Variants in AMMECR1 observed in about 807,000 individuals in gnomAD.
The protein encoded by AMMECR1 is nuclear protein AMMECR1.
A neutral mutation model predicts 22.5 loss-of-function variants in AMMECR1; 3 were observed. The observed-to-expected ratio is 0.13, with a 90% confidence interval of 0.06 to 0.35. The LOEUF is 0.35. Among genes scored for constraint, AMMECR1 ranks in the 10% least tolerant of loss-of-function variants. AMMECR1 has a pLI of 1.00. For synonymous variants in AMMECR1, 130 were observed against 116.7 expected (o/e 1.11, Z -0.74); for missense variants, 235 against 278.7 (o/e 0.84, Z 1.12).
chrX:110,202,392 G>T, intron 4 of AMMECR1, 54 bp downstream of exon 4: 1 of 957,530 alleles, frequency 1.0e-6, no homozygotes. Flanking sequence ...ATTTCAGTTT[G>T]TATATTTGTT....
At chrX:110,225,078 TGAGTA>T (rs767629557) in intron 2 of AMMECR1, 12 of 367,656 alleles carry the variant, frequency 3.3e-5, no homozygotes, top group Middle Eastern at 4.3e-4. Context: ...CAGTTTTGAT[TGAGTA>T]TTCTTATCAC....
rs189077894 is a variant in AMMECR1 at position 110,394,581 on chromosome X, C to T, written c.-148+32077G>A. 2.7e-3 allele frequency among the ~76,000 whole-genome samples: 299 copies of T among 112,526 alleles called. 1 individual carries two copies. The highest frequency in any genetic ancestry group is 8.8e-3 in the African/African-American group (274 of 30,977). ...CTACAGTAAAATTAGTTTTGTTATT[C>T]GTTGTTTCACTTAAAGTCCAGTTCC... is the stretch of plus-strand genomic sequence containing the variant. On this transcript the variant is annotated intron_variant, in intron 2 of 7. Coordinates refer to the AMMECR1 transcript ENST00000372057.
chrX:110,227,477 A>G (rs781497067), intron 2 of AMMECR1, among the ~76,000 whole-genome samples: 59 of 112,650 alleles, frequency 5.2e-4, no homozygotes, highest in African/African-American at 1.9e-3. Flanking sequence ...TCATACTGAG[A>G]AGGAGAAAGA....
intron 2 of AMMECR1, among the ~76,000 whole-genome samples, chrX:110,342,560 C>T (rs188022809): frequency 4.5e-5 from 5 of 110,654 alleles, no homozygotes; most frequent in Non-Finnish European, 9.5e-5. Flanking sequence ...TTAGTAGAGA[C>T]GGGGTTTCAC....
chrX:110,225,528 T>C (rs1409373004), intron 2 of AMMECR1, among the ~76,000 whole-genome samples: 2 of 112,340 alleles, frequency 1.8e-5, no homozygotes, highest in Non-Finnish European at 3.8e-5. Context: ...AGGATGAAGA[T>C]TATATAGGTT....
At chrX:110,233,104 G>C (rs1006757071) in intron 2 of AMMECR1, among the ~76,000 whole-genome samples, 2 of 108,627 alleles carry the variant, frequency 1.8e-5, no homozygotes, top group African/African-American at 6.7e-5. Context: ...CTAATAAGAA[G>C]AGAGAGAAGA....
Position 110,197,160 on chromosome X carries a change from G to A in AMMECR1, c.*1360C>T, listed in dbSNP as rs1013191102. The A allele has an allele frequency of 8.0e-5, 9 of 111,802 alleles. No individual in the cohort carries two copies. The highest frequency in any genetic ancestry group is 1.1e-4 in the Non-Finnish European group (6 of 53,058). 9.2% of individuals were successfully genotyped at this position (111,802 alleles called of 1,213,427 possible). A position where few individuals can be genotyped will look rare whatever the true frequency, so the allele number is the denominator to read the frequency against. ...AAGACTATACTTGCAGATGAGCTGGGCTCTAACTATAGCATATCTGAATGC... is the reference window on the plus strand; with the variant it reads ...AAGACTATACTTGCAGATGAGCTGGACTCTAACTATAGCATATCTGAATGC... On this transcript the variant is annotated 3_prime_UTR_variant, in exon 6 of 6. Coordinates refer to ENST00000262844, the MANE Select transcript of AMMECR1 (RefSeq NM_015365.3).
intron 1 of AMMECR1, among the ~76,000 whole-genome samples, chrX:110,277,830 T>C (rs1014826037): frequency 1.8e-5 from 2 of 111,687 alleles, no homozygotes; most frequent in South Asian, 7.5e-4. Flanking sequence ...CAGTTACCAG[T>C]CACACTGATA....
intron 2 of AMMECR1, among the ~76,000 whole-genome samples, chrX:110,258,922 A>G: frequency 8.9e-6 from 1 of 111,826 alleles, no homozygotes; most frequent in Non-Finnish European, 1.9e-5. Flanking sequence ...TGATCACACG[A>G]TGGTCTACTA....
intron 2 of AMMECR1, among the ~76,000 whole-genome samples, chrX:110,327,248 G>A (rs1437850945): frequency 9.0e-6 from 1 of 111,452 alleles, no homozygotes; most frequent in East Asian, 2.8e-4. Context: ...CATAGAGAAG[G>A]AATATAAAGA....
At chrX:110,219,694 T>C in intron 2 of AMMECR1, 1 of 520,596 alleles carries the variant, frequency 1.9e-6, no homozygotes, top group Non-Finnish European at 2.3e-6. Flanking sequence ...ATGACAATGG[T>C]GCCTCACCAT....
At chrX:110,273,347 T>C (rs754602933) in intron 1 of AMMECR1, among the ~76,000 whole-genome samples, 1 of 112,027 alleles carries the variant, frequency 8.9e-6, no homozygotes, top group Admixed American at 9.5e-5. Flanking sequence ...CAGCTTTTAA[T>C]GGGGTTTTTC....
chrX:110,346,878 T>C, intron 2 of AMMECR1: 1 of 630,772 alleles, frequency 1.6e-6, no homozygotes, highest in Non-Finnish European at 2.7e-6. Context: ...AACCACTTTC[T>C]TCGTAGCGGC....
intron 1 of AMMECR1, among the ~76,000 whole-genome samples, chrX:110,277,001 G>A (rs1003306206): frequency 9.0e-6 from 1 of 110,934 alleles, no homozygotes; most frequent in African/African-American, 3.3e-5. Context: ...AGCTCACTTC[G>A]TTTGTTCCCT....
intron 2 of AMMECR1, among the ~76,000 whole-genome samples, chrX:110,240,107 C>T (rs1256918885): frequency 9.0e-6 from 1 of 110,991 alleles, no homozygotes; most frequent in African/African-American, 3.3e-5. Flanking sequence ...AAAAACATAC[C>T]AAATTGTAAA....
chrX:110,255,086 C>T (rs1015383301), intron 2 of AMMECR1, among the ~76,000 whole-genome samples: 11 of 112,344 alleles, frequency 9.8e-5, no homozygotes, highest in Admixed American at 8.5e-4. Flanking sequence ...TCTTCCTCTT[C>T]GGGATTTGTC....
intron 2 of AMMECR1, among the ~76,000 whole-genome samples, chrX:110,408,408 C>T (rs773541989): frequency 1.3e-4 from 15 of 112,526 alleles, no homozygotes; most frequent in African/African-American, 3.6e-4. Flanking sequence ...TGTTCTCCAA[C>T]GCCCACGACA....
chrX:110,361,204 C>T (rs1241942341), intron 2 of AMMECR1, among the ~76,000 whole-genome samples: 1 of 111,238 alleles, frequency 9.0e-6, no homozygotes, highest in Non-Finnish European at 1.9e-5. Flanking sequence ...GTTGCTCAGG[C>T]GGAAGACCTA....
intron 2 of AMMECR1, among the ~76,000 whole-genome samples, chrX:110,247,165 G>A (rs1368740748): frequency 8.9e-6 from 1 of 112,320 alleles, no homozygotes; most frequent in Non-Finnish European, 1.9e-5. Context: ...AGGTATGTGG[G>A]ACTTGAATAT....
Sources: gnomAD v4.1 joint callset for allele counts (sites outside exome capture counted in the v4.1 genomes callset) on GRCh38, gnomAD v4.1.1 for gene constraint, MANE v1.5 for transcripts, NCBI Gene and HGNC (gene_info 2026-07-23, HGNC 2026-07-21) for gene names.